The following KRABD3 variants were observed in gnomAD, a reference collection of about 807,000 sequenced individuals.
KRABD3 encodes KRAB domain-containing protein 3.
chr7:149,716,470 G>A, the KRABD3 span, among the ~76,000 whole-genome samples: 1 of 152,228 alleles, frequency 6.6e-6, no homozygotes, highest in Admixed American at 6.5e-5. Context: ...GATGAGTTTT[G>A]TAGCCCAGGT....
the KRABD3 span, chr7:149,723,566 G>T: frequency 2.0e-5 from 13 of 635,126 alleles, no homozygotes; most frequent in East Asian, 3.3e-4. Context: ...GCCCTGTCCG[G>T]TTCTGGCAGG....
chr7:149,720,203 C>G, the KRABD3 span: 2 of 1,497,266 alleles, frequency 1.3e-6, no homozygotes, highest in Non-Finnish European at 9.0e-7. Flanking sequence ...TGACCTCAGC[C>G]TACTCAGTCC....
the KRABD3 span, among the ~76,000 whole-genome samples, chr7:149,719,062 A>G: frequency 3.9e-5 from 6 of 152,208 alleles, no homozygotes; most frequent in African/African-American, 1.4e-4. The surrounding 1 kb of genome is among the most constrained non-coding windows in gnomAD (Gnocchi z 5.6). Flanking sequence ...CCTACGTCAC[A>G]GTGTGGGCAG....
At chr7:149,719,179 C>T in the KRABD3 span, among the ~76,000 whole-genome samples, 3 of 152,204 alleles carry the variant, frequency 2.0e-5, no homozygotes, top group Non-Finnish European at 4.4e-5. This position sits in a 1 kb window ranked among gnomAD's most constrained non-coding sequence, Gnocchi z 5.6. Flanking sequence ...TAGTCTCTGC[C>T]TGTCTTCACA....
At chr7:149,730,169 G>T in the KRABD3 span, 1 of 1,557,478 alleles carries the variant, frequency 6.4e-7, no homozygotes. Flanking sequence ...AGCCCTCCCC[G>T]CTGCACTGCC....
At chr7:149,721,382 G>A in the KRABD3 span, 1 of 1,586,394 alleles carries the variant, frequency 6.3e-7, no homozygotes, top group Non-Finnish European at 8.6e-7. Context: ...CCCGACAGCA[G>A]CTGCGGCAAG....
At chr7:149,715,736 G>A in the KRABD3 span, among the ~76,000 whole-genome samples, 1 of 152,222 alleles carries the variant, frequency 6.6e-6, no homozygotes, top group Non-Finnish European at 1.5e-5. Context: ...TGACTAGGCA[G>A]AGCAAACACT....
the KRABD3 span, among the ~76,000 whole-genome samples, chr7:149,727,991 C>G: frequency 6.6e-6 from 1 of 152,258 alleles, no homozygotes; most frequent in East Asian, 1.9e-4. Context: ...TTAGGAAGGG[C>G]TCTCCTCACT....
the KRABD3 span, among the ~76,000 whole-genome samples, chr7:149,732,980 G>A: frequency 6.6e-6 from 1 of 152,222 alleles, no homozygotes; most frequent in Non-Finnish European, 1.5e-5. This position sits in a 1 kb window ranked among gnomAD's most constrained non-coding sequence, Gnocchi z 4.0. Flanking sequence ...AACCCAACCT[G>A]TGGTTGATCC....
the KRABD3 span, among the ~76,000 whole-genome samples, chr7:149,727,002 G>C: frequency 2.0e-5 from 3 of 152,166 alleles, no homozygotes; most frequent in Admixed American, 6.5e-5. Context: ...CCCAACTTAG[G>C]AAAACATACA....
the KRABD3 span, chr7:149,723,619 A>C: frequency 1.0e-6 from 1 of 995,358 alleles, no homozygotes; most frequent in Non-Finnish European, 1.5e-6. Flanking sequence ...AGCCACTGGA[A>C]GAGCCTCATC....
chr7:149,725,335 C>T, the KRABD3 span: 1 of 1,595,474 alleles, frequency 6.3e-7, no homozygotes, highest in Non-Finnish European at 8.5e-7. Context: ...CTCAAGCTCA[C>T]CGCTGGAAGC....
chr7:149,719,984 C>T, the KRABD3 span: 1 of 1,536,508 alleles, frequency 6.5e-7, no homozygotes, highest in South Asian at 1.2e-5. This position sits in a 1 kb window ranked among gnomAD's most constrained non-coding sequence, Gnocchi z 5.6. Flanking sequence ...ATTCCCAGGG[C>T]CACAGTTCCC....
At chr7:149,723,520 T>C in the KRABD3 span, 1 of 554,128 alleles carries the variant, frequency 1.8e-6, no homozygotes, top group African/African-American at 1.9e-5. Flanking sequence ...ATGCCACTTG[T>C]CTGCCTGCAG....
At chr7:149,715,420 A>C in the KRABD3 span, 1 of 985,872 alleles carries the variant, frequency 1.0e-6, no homozygotes, top group East Asian at 6.0e-5. Flanking sequence ...GGAAATGGGG[A>C]GAAACAAAGA....
the KRABD3 span, chr7:149,729,388 C>T: frequency 1.4e-6 from 2 of 1,430,440 alleles, no homozygotes; most frequent in South Asian, 1.6e-5. Flanking sequence ...GGCACCTGCC[C>T]TCGGTACTGA....
At chr7:149,728,641 A>G in the KRABD3 span, 1 of 1,613,366 alleles carries the variant, frequency 6.2e-7, no homozygotes, top group African/African-American at 1.3e-5. Context: ...GACCGAGGAG[A>G]GCAGAGCCCA....
At chr7:149,729,059 G>A in the KRABD3 span, 1 of 707,000 alleles carries the variant, frequency 1.4e-6, no homozygotes, top group East Asian at 3.1e-5. Context: ...TGACAGATGG[G>A]TGTTTCCCAC....
At chr7:149,722,269 A>T in the KRABD3 span, 1 of 496,958 alleles carries the variant, frequency 2.0e-6, no homozygotes, top group Non-Finnish European at 2.6e-6. Context: ...GTTTCCAGTT[A>T]AACCAGAAAG....
Sources: allele counts gnomAD v4.1 joint callset (sites outside exome capture counted in the v4.1 genomes callset), GRCh38; gene constraint gnomAD v4.1.1; non-coding constraint Gnocchi (gnomAD v3.1); transcripts MANE v1.5; gene names NCBI Gene and HGNC (gene_info 2026-07-23, HGNC 2026-07-21).